The following C1orf185 variants were observed in gnomAD, a reference collection of about 807,000 sequenced individuals.
C1orf185 encodes uncharacterized protein C1orf185.
In C1orf185, 13 loss-of-function variants were observed where a neutral mutation model predicts 16.1. The ratio of observed to expected loss-of-function variants is 0.81; its 90% CI spans 0.53 to 1.28. The LOEUF is 1.28. Ranked by LOEUF, C1orf185 falls within the 50% of genes most tolerant of loss-of-function variation. The probability of loss-of-function intolerance (pLI) is 0.00; values close to 1 mark genes in which losing one functional copy is unlikely to be tolerated. For synonymous variants in C1orf185, 80 were observed against 76.9 expected (o/e 1.04, Z -0.21); for missense variants, 220 against 225.2 (o/e 0.98, Z 0.15).
At position 51,125,223 on chromosome 1, in the gene C1orf185, G is replaced by A. The variant is rs1646231738; in HGVS notation, c.258+6422G>A. ...AATTAGAAGGAAGAGAAAAATTAAT[G>A]CTCCAATGCCCACCCACAGCATCAC... On this transcript the variant is annotated intron_variant, in intron 3 of 4. Coordinates refer to ENST00000371759, the MANE Select transcript of C1orf185 (RefSeq NM_001136508.2). Among the ~76,000 whole-genome samples, 3 of 152,182 alleles carry A rather than the reference G, an allele frequency of 2.0e-5. No homozygotes were observed. In the South Asian group the frequency reaches 6.2e-4, roughly 32 times the overall value.
At position 51,112,566 on chromosome 1, in the gene C1orf185, G is replaced by T; in HGVS notation, c.119G>T (p.Arg40Leu). ...GCTTTGTGGTTCCTGATTTGCAAACGAAGGTAAGGATTATTCGAATATTTC... is the reference window on the plus strand; with the variant it reads ...GCTTTGTGGTTCCTGATTTGCAAACTAAGGTAAGGATTATTCGAATATTTC... ...ASALWFLICK[R>L]REIFQNSKFK... Residue 40 changes from arginine to leucine, a missense_variant, in exon 2 of 5, where the codon CGA becomes CTA. Physicochemically the swap from Arg to Leu is moderately radical, Grantham distance 102. Transcript: ENST00000371759. 2.6e-6 allele frequency: 4 copies of T among 1,542,854 alleles called. No individual in the cohort carries two copies. The highest frequency in any genetic ancestry group is 2.4e-5 in the South Asian group (2 of 82,048).
intron 1 of C1orf185, among the ~76,000 whole-genome samples, chr1:51,104,737 T>G (rs1415695792): frequency 6.6e-6 from 1 of 152,180 alleles, no homozygotes; most frequent in Non-Finnish European, 1.5e-5. Flanking sequence ...GGTTTAAGAC[T>G]TAATCCCTTT....
At chr1:51,117,303 G>T (rs1570297035) in intron 2 of C1orf185, among the ~76,000 whole-genome samples, 1 of 152,128 alleles carries the variant, frequency 6.6e-6, no homozygotes, top group Middle Eastern at 3.4e-3. Flanking sequence ...AGAAGAAATG[G>T]CAATGAGCAT....
chr1:51,123,138 T>C (rs1646210276), intron 3 of C1orf185, among the ~76,000 whole-genome samples: 1 of 152,208 alleles, frequency 6.6e-6, no homozygotes, highest in Admixed American at 6.5e-5. Context: ...AGTGTGCTAG[T>C]TCAAGTCTCT....
chr1:51,134,341 G>T (rs997256428), intron 3 of C1orf185, among the ~76,000 whole-genome samples: 12 of 152,198 alleles, frequency 7.9e-5, no homozygotes, highest in South Asian at 2.1e-4. Flanking sequence ...AGCTAAGGCA[G>T]TATTAAAAGA....
At chr1:51,138,330 T>C (rs562285614) in intron 3 of C1orf185, among the ~76,000 whole-genome samples, 203 of 152,350 alleles carry the variant, frequency 1.3e-3, no homozygotes, top group Non-Finnish European at 2.2e-3. Flanking sequence ...CATTTTGAAG[T>C]GTACAATTCA....
chr1:51,145,475 C>A (rs930487005), intron 3 of C1orf185, among the ~76,000 whole-genome samples: 1 of 152,060 alleles, frequency 6.6e-6, no homozygotes, highest in Non-Finnish European at 1.5e-5. Context: ...GAGAATGAAT[C>A]CTATTTGAAC....
intron 1 of C1orf185, among the ~76,000 whole-genome samples, chr1:51,103,429 A>ACG (rs1553161788): frequency 2.0e-5 from 3 of 149,746 alleles, no homozygotes; most frequent in African/African-American, 7.5e-5. Flanking sequence ...ACACACACAC[A>ACG]CACACACACA....
At chr1:51,108,832 A>G (rs1198338397) in intron 1 of C1orf185, among the ~76,000 whole-genome samples, 1 of 152,150 alleles carries the variant, frequency 6.6e-6, no homozygotes, top group African/African-American at 2.4e-5. Context: ...GGACACCTAG[A>G]TTGATTCCAT....
intron 3 of C1orf185, among the ~76,000 whole-genome samples, chr1:51,141,274 G>T (rs1646362445): frequency 6.6e-6 from 1 of 152,176 alleles, no homozygotes. Context: ...AGGATCACTT[G>T]AGCCCAAGAG....
chr1:51,147,081 A>T (rs945915226), intron 4 of C1orf185, among the ~76,000 whole-genome samples: 1 of 151,896 alleles, frequency 6.6e-6, no homozygotes, highest in Non-Finnish European at 1.5e-5. Flanking sequence ...TATCATAAAT[A>T]ATTATTTCTC....
intron 1 of C1orf185, among the ~76,000 whole-genome samples, chr1:51,110,752 TG>T (rs1265742580): frequency 6.6e-6 from 1 of 152,106 alleles, no homozygotes; most frequent in Non-Finnish European, 1.5e-5. Flanking sequence ...GTGAATCACT[TG>T]AGGTCAGGAG....
intron 3 of C1orf185, among the ~76,000 whole-genome samples, chr1:51,125,880 A>G (rs1301497167): frequency 2.0e-5 from 3 of 152,164 alleles, no homozygotes; most frequent in Non-Finnish European, 2.9e-5. Flanking sequence ...AACAGGAGCT[A>G]GGTGCGGTGG....
chr1:51,129,463 G>C (rs1207701488), intron 3 of C1orf185, among the ~76,000 whole-genome samples: 4 of 152,098 alleles, frequency 2.6e-5, no homozygotes, highest in African/African-American at 9.7e-5. Flanking sequence ...TTTTGAGATT[G>C]TGCAGTGGCA....
At chr1:51,145,046 C>T (rs780857458) in intron 3 of C1orf185, among the ~76,000 whole-genome samples, 6 of 152,088 alleles carry the variant, frequency 3.9e-5, no homozygotes, top group African/African-American at 7.2e-5. Context: ...CATGCACATC[C>T]GGTAATTCTA....
At chr1:51,143,995 C>A (rs1235028500) in intron 3 of C1orf185, among the ~76,000 whole-genome samples, 1 of 152,070 alleles carries the variant, frequency 6.6e-6, no homozygotes, top group Non-Finnish European at 1.5e-5. Context: ...TATACAAAAC[C>A]GAAATTATTT....
chr1:51,145,817 T>A, intron 4 of C1orf185, 57 bp downstream of exon 4: 1 of 927,436 alleles, frequency 1.1e-6, no homozygotes. Flanking sequence ...GCAATTCACA[T>A]CTTGAGAAAT....
intron 1 of C1orf185, among the ~76,000 whole-genome samples, chr1:51,103,833 C>A (rs1646051047): frequency 6.6e-6 from 1 of 152,168 alleles, no homozygotes. Context: ...CTGCACCCAG[C>A]CATTATGTTA....
intron 3 of C1orf185, among the ~76,000 whole-genome samples, chr1:51,143,941 T>C (rs146301448): frequency 3.9e-5 from 6 of 152,182 alleles, no homozygotes; most frequent in African/African-American, 1.4e-4. Context: ...AAATTGCGGG[T>C]TTTAAAAAAC....
Sources: gnomAD v4.1 joint callset for allele counts (sites outside exome capture counted in the v4.1 genomes callset) on GRCh38, gnomAD v4.1.1 for gene constraint, MANE v1.5 for transcripts, NCBI Gene and HGNC (gene_info 2026-07-23, HGNC 2026-07-21) for gene names.